PNPLA7: variants seen among roughly 807,000 people sequenced by gnomAD.
PNPLA7 encodes patatin-like phospholipase domain-containing protein 7.
In PNPLA7, 153 loss-of-function variants were observed where a neutral mutation model predicts 161.7. The ratio of observed to expected loss-of-function variants is 0.95; its 90% CI spans 0.83 to 1.08. The LOEUF (loss-of-function observed/expected upper bound fraction) is 1.08. PNPLA7 is among the 50% of genes least tolerant of loss of function. The pLI, the probability that PNPLA7 is intolerant of heterozygous loss-of-function variation, is 0.00. For missense variants in PNPLA7, 1,739 were observed against 1,856.6 expected (o/e 0.94, Z 1.16); for synonymous variants, 809 against 782.1 (o/e 1.03, Z -0.57).
intron 11 of PNPLA7, among the ~76,000 whole-genome samples, chr9:137,519,411 G>T (rs202093412): frequency 0.11 from 17,427 of 152,260 alleles, 1,019 homozygotes; most frequent in East Asian, 0.21. Flanking sequence ...CAAGCACGCA[G>T]GGAGAATTCT....
chr9:137,502,605 G>C (rs954453871), intron 14 of PNPLA7, among the ~76,000 whole-genome samples: 10 of 134,764 alleles, frequency 7.4e-5, no homozygotes, highest in Admixed American at 1.5e-4. Flanking sequence ...AGGAGGAGCC[G>C]TGGGAGGTTC....
At chr9:137,473,240 G>T (rs1172301851) in intron 25 of PNPLA7, among the ~76,000 whole-genome samples, 2 of 152,106 alleles carry the variant, frequency 1.3e-5, no homozygotes, top group Non-Finnish European at 2.9e-5. Context: ...ATTTGGGTGG[G>T]GACATGGCCA....
intron 20 of PNPLA7, among the ~76,000 whole-genome samples, chr9:137,488,598 G>A (rs954549565): frequency 6.6e-6 from 1 of 152,182 alleles, no homozygotes; most frequent in Non-Finnish European, 1.5e-5. Context: ...GGCCAAGAAA[G>A]AAGCAGAGTC....
At position 137,463,396 on chromosome 9, in the gene PNPLA7, G is replaced by C. The variant is rs2275781; in HGVS notation, c.3343+19C>G. 471,809 of 1,580,752 alleles carry C rather than the reference G, an allele frequency of 0.3. 73,860 individuals carry two copies. The highest frequency in any genetic ancestry group is 0.62 in the East Asian group (27,093 of 43,530). On this transcript the variant is annotated intron_variant, in intron 29 of 34. Transcript: ENST00000406427. ...AGGAGCCTGTGCTCCTGCCGGGCGT[G>C]GTCCCCCCACCGCAGTACCTGGGAG...
At chr9:137,514,060 G>T (rs997371799) in intron 12 of PNPLA7, among the ~76,000 whole-genome samples, 1 of 152,110 alleles carries the variant, frequency 6.6e-6, no homozygotes, top group Non-Finnish European at 1.5e-5. Context: ...GGCTGTGGGC[G>T]GGTCACCTGA....
intron 6 of PNPLA7, 89 bp from the exon 7 acceptor site, chr9:137,542,890 C>A: frequency 7.1e-7 from 1 of 1,409,284 alleles, no homozygotes; most frequent in Non-Finnish European, 9.7e-7. Context: ...GTCACTGACC[C>A]CACTGGCGCC....
intron 8 of PNPLA7, among the ~76,000 whole-genome samples, chr9:137,529,481 CCTT>C (rs1236833626): frequency 6.6e-6 from 1 of 152,008 alleles, no homozygotes; most frequent in Non-Finnish European, 1.5e-5. Flanking sequence ...GAGAATGTTG[CCTT>C]CTTTGTTTTA....
At chr9:137,505,568 G>T in intron 14 of PNPLA7, 46 bp downstream of exon 14, 1 of 1,603,914 alleles carries the variant, frequency 6.2e-7, no homozygotes, top group East Asian at 2.2e-5. Context: ...AGGAGGCCAC[G>T]GGCCCTGGGT....
chr9:137,521,585 A>C lies in PNPLA7; in HGVS notation c.957+51T>G, dbSNP rs368780518. On this transcript the variant is annotated intron_variant, in intron 10 of 34. Transcript: ENST00000406427. ...GCCGTGCCAACCAATAGCTGTCCCG[A>C]TGCCAGCTGCATGGAGCAGCATGGG... 4 of 1,577,966 alleles carry C rather than the reference A, an allele frequency of 2.5e-6. No individual in the cohort carries two copies. The African/African-American group carries it at 5.4e-5, about 21-fold the overall frequency.
Position 137,508,296 on chromosome 9 carries a change from G to A in PNPLA7, c.1226-2213C>T, listed in dbSNP as rs557267389. Among the ~76,000 whole-genome samples, 7 of 152,232 alleles carry A rather than the reference G, an allele frequency of 4.6e-5. 1 individual carries two copies. Among genetic ancestry groups the A allele is most frequent in the Non-Finnish European group, 8.8e-5 (6 of 68,010 alleles). ...AGAAAAGGATGTATCAGCCGGGCGCGGCAGCTCACGCCTGGAATCCCAGCA... is the reference window on the plus strand; with the variant it reads ...AGAAAAGGATGTATCAGCCGGGCGCAGCAGCTCACGCCTGGAATCCCAGCA... On this transcript the variant is annotated intron_variant, in intron 12 of 34. Coordinates refer to ENST00000406427, the MANE Select transcript of PNPLA7 (RefSeq NM_001098537.3).
chr9:137,460,847 G>C, intron 33 of PNPLA7, 110 bp from the exon 34 acceptor site: 9 of 1,017,038 alleles, frequency 8.8e-6, no homozygotes, highest in Non-Finnish European at 1.3e-5. Flanking sequence ...CCGCCTCCAA[G>C]GTGGCCCGGG....
intron 25 of PNPLA7, among the ~76,000 whole-genome samples, chr9:137,474,457 C>T (rs1012486366): frequency 1.3e-5 from 2 of 152,078 alleles, no homozygotes; most frequent in African/African-American, 4.8e-5. Flanking sequence ...ACAGGCGCCT[C>T]GTGGAAAATC....
chr9:137,460,414 G>T lies in PNPLA7; in HGVS notation c.4008C>A (p.Gly1336=). The part of the protein sequence containing the change: ...PSLAFPKLSE[G]SSDQDG ...GCCTCTACCCGTCCTGGTCAGAGGA[G>T]CCCTCAGACAGTTTTGGGAAAGCCA... The change falls in exon 35 of 35, where the codon GGC becomes GGA. Residue 1336 remains glycine, a synonymous_variant. Transcript: ENST00000406427. 1 of 1,612,632 alleles carries T rather than the reference G, an allele frequency of 6.2e-7. No individual in the cohort carries two copies. The highest frequency in any genetic ancestry group is 1.1e-5 in the South Asian group (1 of 91,084).
intron 21 of PNPLA7, among the ~76,000 whole-genome samples, chr9:137,483,222 A>G (rs1015599654): frequency 1.2e-4 from 18 of 152,160 alleles, no homozygotes; most frequent in African/African-American, 3.6e-4. Context: ...GGACAGCTCC[A>G]CCGCACAACT....
chr9:137,463,654 G>A lies in PNPLA7; in HGVS notation c.3227-123C>T, dbSNP rs1164821345. 37 of 687,612 alleles carry A rather than the reference G, an allele frequency of 5.4e-5. No homozygotes were observed. In the East Asian group the frequency reaches 9.8e-4, roughly 18 times the overall value. The allele number at this position is 687,612 out of a possible 1,614,324, so 42.6% of individuals were successfully genotyped here. ...CCAACTCTCTGAGGCCGCCTCCACAGAGGGAAGCTCATGGCCCAAGGGCTG... is the reference window on the plus strand; with the variant it reads ...CCAACTCTCTGAGGCCGCCTCCACAAAGGGAAGCTCATGGCCCAAGGGCTG... On this transcript the variant is annotated intron_variant, in intron 28 of 34. Transcript: ENST00000406427.
chr9:137,506,111 C>T (rs370632093), intron 12 of PNPLA7, 28 bp from the exon 13 acceptor site: 25 of 1,585,946 alleles, frequency 1.6e-5, no homozygotes, highest in East Asian at 1.1e-4. Flanking sequence ...ACTCAGGACA[C>T]GGTTCGCTAG....
chr9:137,475,074 C>T (rs1352718558), intron 25 of PNPLA7, among the ~76,000 whole-genome samples: 2 of 141,566 alleles, frequency 1.4e-5, no homozygotes, highest in East Asian at 2.1e-4. Flanking sequence ...GGGAGGTAAA[C>T]ATTTTCATTT....
At chr9:137,479,909 G>A (rs1032168515) in intron 23 of PNPLA7, 37 of 984,940 alleles carry the variant, frequency 3.8e-5, no homozygotes, top group Middle Eastern at 1.0e-3. Flanking sequence ...TTCACAAGAG[G>A]AAAACTAAGC....
At chr9:137,526,785 T>G (rs762615881) in intron 8 of PNPLA7, among the ~76,000 whole-genome samples, 9 of 152,244 alleles carry the variant, frequency 5.9e-5, no homozygotes, top group Non-Finnish European at 1.3e-4. Context: ...AAATACAGTT[T>G]ATTTTCGTAT....
Sources: allele counts gnomAD v4.1 joint callset (sites outside exome capture counted in the v4.1 genomes callset), GRCh38; gene constraint gnomAD v4.1.1; transcripts MANE v1.5; gene names NCBI Gene and HGNC (gene_info 2026-07-23, HGNC 2026-07-21).